Variants in SLC24A4 observed in about 807,000 individuals in gnomAD.
SLC24A4 encodes the protein solute carrier family 24 member 4.
Under a neutral mutation model 79.0 loss-of-function variants are expected in SLC24A4, and 53 were observed. That is an observed-to-expected ratio of 0.67 (90% confidence interval 0.54 to 0.84). The LOEUF is 0.84. Ranked by LOEUF, SLC24A4 falls within the 40% of genes least tolerant of loss-of-function variation. The pLI is 0.00. For synonymous variants in SLC24A4, 323 were observed against 323.8 expected, an observed-to-expected ratio of 1.00 and a Z score of 0.03; for missense variants, 731 against 822.0, an observed-to-expected ratio of 0.89 and a Z score of 1.35.
chr14:92,460,955 G>A (rs536289067), intron 12 of SLC24A4, among the ~76,000 whole-genome samples: 4 of 152,318 alleles, frequency 2.6e-5, no homozygotes, highest in South Asian at 4.1e-4. Context: ...ACTTTAGACT[G>A]CAGAGGCTGG....
chr14:92,396,629 C>G (rs1889795138), intron 2 of SLC24A4, among the ~76,000 whole-genome samples: 1 of 152,240 alleles, frequency 6.6e-6, no homozygotes, highest in African/African-American at 2.4e-5. Context: ...ACACCTGCTG[C>G]TGCTTTGCCG....
intron 2 of SLC24A4, among the ~76,000 whole-genome samples, chr14:92,374,459 C>T (rs917414327): frequency 2.6e-5 from 4 of 152,226 alleles, no homozygotes; most frequent in Non-Finnish European, 5.9e-5. Flanking sequence ...AGTCACAAAG[C>T]TGATTGTAAA....
chr14:92,455,670 A>G (rs1179934915), intron 11 of SLC24A4, among the ~76,000 whole-genome samples: 1 of 152,136 alleles, frequency 6.6e-6, no homozygotes, highest in Non-Finnish European at 1.5e-5. Context: ...TGGAAATGTT[A>G]TACATCTTGA....
At chr14:92,401,281 C>A (rs540925470) in intron 2 of SLC24A4, among the ~76,000 whole-genome samples, 1 of 152,162 alleles carries the variant, frequency 6.6e-6, no homozygotes, top group South Asian at 2.1e-4. Context: ...ATGGAAAAAC[C>A]GTGCAGGTTG....
intron 2 of SLC24A4, among the ~76,000 whole-genome samples, chr14:92,349,876 A>T (rs1220490934): frequency 6.6e-6 from 1 of 152,150 alleles, no homozygotes; most frequent in Non-Finnish European, 1.5e-5. Flanking sequence ...TGAAGTATGG[A>T]TAAAGGAGCT....
Position 92,496,058 on chromosome 14 carries a change from A to AT in SLC24A4, c.*2432dup, listed in dbSNP as rs908409781. 9 of 152,546 alleles carry AT rather than the reference A, an allele frequency of 5.9e-5. No homozygotes were observed. The highest frequency in any genetic ancestry group is 2.2e-4 in the African/African-American group (9 of 41,454). 9.4% of individuals were successfully genotyped at this position (152,546 alleles called of 1,614,324 possible). On this transcript the variant is annotated 3_prime_UTR_variant, in exon 17 of 17. Transcript: ENST00000532405. Reference sequence around the variant, plus strand: ...TAGCTTTCAGAGCACACGTATCCTAATTACCCTCCTCTTCCTCAGCAGAAC... The same window carrying AT: ...TAGCTTTCAGAGCACACGTATCCTAATTTACCCTCCTCTTCCTCAGCAGAAC...
chr14:92,333,281 A>AG (rs202129785), intron 2 of SLC24A4, among the ~76,000 whole-genome samples: 1 of 151,848 alleles, frequency 6.6e-6, no homozygotes, highest in South Asian at 2.1e-4. Flanking sequence ...TTTAGTAGAG[A>AG]GGGGGGTTTT....
At chr14:92,342,394 T>TTATG (rs1886209921) in intron 2 of SLC24A4, among the ~76,000 whole-genome samples, 2 of 151,672 alleles carry the variant, frequency 1.3e-5, no homozygotes, top group Non-Finnish European at 2.9e-5. Context: ...ATTTATTTAT[T>TTATG]TATTTTGAGA....
intron 2 of SLC24A4, among the ~76,000 whole-genome samples, chr14:92,383,647 C>T (rs948781711): frequency 6.6e-6 from 1 of 152,178 alleles, no homozygotes; most frequent in Non-Finnish European, 1.5e-5. Context: ...TTGCTGAGGG[C>T]AGAGAGAGAC....
intron 2 of SLC24A4, among the ~76,000 whole-genome samples, chr14:92,433,672 A>G (rs997351785): frequency 2.0e-5 from 3 of 152,182 alleles, no homozygotes; most frequent in African/African-American, 4.8e-5. Flanking sequence ...TTAAAATGCA[A>G]GACATATCTA....
intron 12 of SLC24A4, among the ~76,000 whole-genome samples, chr14:92,470,841 C>T (rs771366741): frequency 2.0e-5 from 3 of 152,286 alleles, no homozygotes; most frequent in Admixed American, 6.5e-5. Context: ...CTATTCAGGC[C>T]GGTTTAAGCC....
chr14:92,345,476 G>A (rs867025085), intron 2 of SLC24A4, among the ~76,000 whole-genome samples: 3 of 152,148 alleles, frequency 2.0e-5, no homozygotes, highest in East Asian at 1.9e-4. Context: ...CAAGGCGGGC[G>A]GATCACTTGA....
Position 92,445,324 on chromosome 14 carries a change from A to G in SLC24A4, c.665A>G (p.Tyr222Cys), listed in dbSNP as rs749594261. Residue 222 changes from tyrosine to cysteine, a missense_variant, in exon 8 of 17, where the codon TAT becomes TGT. Coordinates refer to ENST00000532405, the MANE Select transcript of SLC24A4 (RefSeq NM_153646.4). ...ISVIVLIVFI[Y>C]DEQIVWWEGL... Reference sequence around the variant, plus strand: ...GTTTCTTTTGCCTTACAGTTCATATATGATGAACAAATTGTGTGGTAAGTT... The same window carrying G: ...GTTTCTTTTGCCTTACAGTTCATATGTGATGAACAAATTGTGTGGTAAGTT... The G allele has an allele frequency of 1.2e-6, 2 of 1,614,152 alleles. No individual in the cohort carries two copies. The highest frequency in any genetic ancestry group is 1.7e-6 in the Non-Finnish European group (2 of 1,179,982).
intron 2 of SLC24A4, among the ~76,000 whole-genome samples, chr14:92,407,461 C>T (rs1890453993): frequency 6.6e-6 from 1 of 152,088 alleles, no homozygotes; most frequent in African/African-American, 2.4e-5. Flanking sequence ...TGTATTAATC[C>T]ATCCTTATAC....
Position 92,493,700 on chromosome 14 carries a change from C to T in SLC24A4, c.*72C>T, listed in dbSNP as rs1406848670. 6.5e-7 allele frequency: 1 copy of T among 1,532,566 alleles called. No homozygotes were observed. The highest frequency in any genetic ancestry group is 1.4e-5 in the African/African-American group (1 of 73,678). The allele number at this position is 1,532,566 out of a possible 1,614,324, so 94.9% of individuals were successfully genotyped here. ...TGGCGTTCTCCTCTCCCCTCCTTCC[C>T]CCACCACAGGTCTCTCCTGCATAGG... On this transcript the variant is annotated 3_prime_UTR_variant, in exon 17 of 17. Transcript: ENST00000532405.
chr14:92,331,070 A>T (rs1885449799), intron 2 of SLC24A4, among the ~76,000 whole-genome samples: 1 of 152,152 alleles, frequency 6.6e-6, no homozygotes, highest in Non-Finnish European at 1.5e-5. Context: ...GACCTGTGAA[A>T]CCAGAAGCAG....
upstream of SLC24A4, chr14:92,322,604 C>A (rs1275295627): frequency 6.5e-6 from 1 of 152,756 alleles, no homozygotes; most frequent in African/African-American, 2.4e-5. Flanking sequence ...TCTCTGGTTC[C>A]CCTCTCTGCC....
At chr14:92,479,470 G>T (rs1894944087) in intron 12 of SLC24A4, among the ~76,000 whole-genome samples, 1 of 152,220 alleles carries the variant, frequency 6.6e-6, no homozygotes, top group Non-Finnish European at 1.5e-5. Context: ...GGATTGTGTA[G>T]TTTTATCCTT....
chr14:92,453,520 T>G, intron 10 of SLC24A4: 1 of 167,082 alleles, frequency 6.0e-6, no homozygotes, highest in Admixed American at 6.4e-5. Context: ...CTCATAGTCA[T>G]GGGTGAAAAG....
Sources: gnomAD v4.1 joint callset for allele counts (sites outside exome capture counted in the v4.1 genomes callset) on GRCh38, gnomAD v4.1.1 for gene constraint, MANE v1.5 for transcripts, NCBI Gene and HGNC (gene_info 2026-07-23, HGNC 2026-07-21) for gene names.